The following LIPH variants were observed in gnomAD, a reference collection of about 807,000 sequenced individuals.
LIPH encodes the protein lipase H.
A neutral mutation model predicts 47.6 loss-of-function variants in LIPH; 32 were observed. The observed-to-expected ratio is 0.67, with a 90% CI of 0.51 to 0.90. The LOEUF (loss-of-function observed/expected upper bound fraction) is 0.90. LIPH is among the 40% of genes least tolerant of loss of function. The probability of loss-of-function intolerance (pLI) is 0.00; values close to 1 mark genes in which losing one functional copy is unlikely to be tolerated. For synonymous variants in LIPH, 190 were observed against 195.6 expected (o/e 0.97, Z 0.24); for missense variants, 497 against 541.4 (o/e 0.92, Z 0.81).
chr3:185,508,541 C>T lies in LIPH; in HGVS notation c.*249G>A. 1 of 505,648 alleles carries T rather than the reference C, an allele frequency of 2.0e-6. No homozygotes were observed. Among genetic ancestry groups the T allele is most frequent in the Non-Finnish European group, 3.6e-6 (1 of 278,884 alleles). 31.3% of individuals were successfully genotyped at this position (505,648 alleles called of 1,614,324 possible). A position where few individuals can be genotyped will look rare whatever the true frequency, so the allele number is the denominator to read the frequency against. On this transcript the variant is annotated 3_prime_UTR_variant, in exon 10 of 10. Transcript: ENST00000296252. Reference sequence around the variant, plus strand: ...GAACAAGGGAGGCCCCAGGACACAGCAGACACAGCGCTGCGCTGCTGCGAG... The same window carrying T: ...GAACAAGGGAGGCCCCAGGACACAGTAGACACAGCGCTGCGCTGCTGCGAG...
At chr3:185,545,420 G>A (rs1157317028) in intron 1 of LIPH, among the ~76,000 whole-genome samples, 1 of 152,194 alleles carries the variant, frequency 6.6e-6, no homozygotes, top group East Asian at 1.9e-4. Flanking sequence ...GCAATTTAAT[G>A]CATGGTCGCC....
intron 8 of LIPH, among the ~76,000 whole-genome samples, chr3:185,513,398 C>A (rs2148947149): frequency 6.6e-6 from 1 of 151,042 alleles, no homozygotes; most frequent in Admixed American, 6.6e-5. Flanking sequence ...CACACCCATC[C>A]AGATGGTTAA....
At position 185,530,742 on chromosome 3, in the gene LIPH, C is replaced by T. The variant is rs188024694; in HGVS notation, c.526+2829G>A. Among the ~76,000 whole-genome samples the T allele has an allele frequency of 5.9e-4, 90 of 152,154 alleles. No homozygotes were observed. In the East Asian group the frequency reaches 0.015, roughly 25 times the overall value. On this transcript the variant is annotated intron_variant, in intron 3 of 9. Transcript: ENST00000296252. Reference sequence around the variant, plus strand: ...AGCTCTAGATTCATGATGAATAAAACATCTGAACCAGGGCAATTTTCAGAG... The same window carrying T: ...AGCTCTAGATTCATGATGAATAAAATATCTGAACCAGGGCAATTTTCAGAG...
chr3:185,524,051 T>C lies in LIPH; in HGVS notation c.718+20A>G. 6.4e-7 allele frequency: 1 copy of C among 1,568,886 alleles called. No individual in the cohort carries two copies. The highest frequency in any genetic ancestry group is 2.2e-5 in the East Asian group (1 of 44,636). ...AATATGCCTTTTTATACCACTATTT[T>C]ACAAAATATAAAGGCTTACCTCCCA... On this transcript the variant is annotated intron_variant, in intron 5 of 9. Coordinates refer to ENST00000296252, the MANE Select transcript of LIPH (RefSeq NM_139248.3).
chr3:185,539,517 C>A (rs1039937518), intron 1 of LIPH, among the ~76,000 whole-genome samples: 12 of 151,440 alleles, frequency 7.9e-5, no homozygotes, highest in African/African-American at 2.9e-4. Flanking sequence ...ATTATAGGTG[C>A]CCGCCACCAC....
At chr3:185,526,051 G>A (rs1241409452) in intron 4 of LIPH, among the ~76,000 whole-genome samples, 9 of 151,868 alleles carry the variant, frequency 5.9e-5, no homozygotes, top group South Asian at 2.1e-4. Flanking sequence ...CACATGACAC[G>A]TATCCAATCC....
chr3:185,548,960 C>T (rs540057191), intron 1 of LIPH, among the ~76,000 whole-genome samples: 13 of 151,680 alleles, frequency 8.6e-5, no homozygotes, highest in Admixed American at 2.0e-4. Flanking sequence ...GGCGAAACTC[C>T]GTCTCTCCTA....
intron 4 of LIPH, among the ~76,000 whole-genome samples, chr3:185,526,616 AT>A (rs1486575321): frequency 9.2e-5 from 4 of 43,292 alleles, no homozygotes; most frequent in African/African-American, 1.8e-4. Context: ...AAAAAATAAA[AT>A]AATAAAATAA....
intron 1 of LIPH, among the ~76,000 whole-genome samples, chr3:185,538,850 TATATAC>T (rs1720600409): frequency 1.8e-5 from 2 of 111,614 alleles, no homozygotes; most frequent in East Asian, 5.2e-4. Flanking sequence ...TATACACATA[TATATAC>T]ATATATACAT....
chr3:185,528,113 A>G (rs564850194), intron 3 of LIPH, among the ~76,000 whole-genome samples: 36 of 151,614 alleles, frequency 2.4e-4, no homozygotes, highest in Admixed American at 2.4e-3. Flanking sequence ...AGTCCTAGCT[A>G]CTCGGGAGGC....
At chr3:185,538,916 TAC>T (rs1471675346) in intron 1 of LIPH, among the ~76,000 whole-genome samples, 3 of 146,034 alleles carry the variant, frequency 2.1e-5, no homozygotes, top group Admixed American at 7.0e-5. Context: ...TACACATATA[TAC>T]ACATATACAC....
chr3:185,514,535 A>C lies in LIPH; in HGVS notation c.983-14T>G, dbSNP rs1189489338. ...AGTAATGATACACTGCAAAACAGAG[A>C]GAGAACACGGTAAGAGAGAGATACT... On this transcript the variant is annotated splice_polypyrimidine_tract_variant and intron_variant, in intron 7 of 9. Transcript: ENST00000296252. 3 of 955,742 alleles carry C rather than the reference A, an allele frequency of 3.1e-6. No homozygotes were observed. Among genetic ancestry groups the C allele is most frequent in the Non-Finnish European group, 5.2e-6 (3 of 578,538 alleles). 59.2% of individuals were successfully genotyped at this position (955,742 alleles called of 1,614,324 possible). A position where few individuals can be genotyped will look rare whatever the true frequency, so the allele number is the denominator to read the frequency against.
chr3:185,518,131 G>T (rs368297107), intron 6 of LIPH, among the ~76,000 whole-genome samples: 7 of 152,298 alleles, frequency 4.6e-5, no homozygotes, highest in African/African-American at 1.4e-4. Context: ...ACAGGAGCAG[G>T]CTACGTAGAG....
chr3:185,529,979 A>G (rs1427244914), intron 3 of LIPH, among the ~76,000 whole-genome samples: 22 of 64,218 alleles, frequency 3.4e-4, no homozygotes, highest in African/African-American at 1.0e-3. Flanking sequence ...AGAAAGAAAG[A>G]GAGAGAGAGA....
intron 5 of LIPH, among the ~76,000 whole-genome samples, chr3:185,522,312 T>C (rs1719916893): frequency 1.3e-5 from 2 of 152,192 alleles, no homozygotes; most frequent in Non-Finnish European, 2.9e-5. Context: ...GAAGTGTTGT[T>C]GTCAGCTGTG....
intron 1 of LIPH, among the ~76,000 whole-genome samples, chr3:185,547,674 A>G (rs1720918276): frequency 6.6e-6 from 1 of 152,158 alleles, no homozygotes; most frequent in Non-Finnish European, 1.5e-5. Flanking sequence ...AATACAAAAA[A>G]TTAGCCGGGC....
At chr3:185,529,439 G>T (rs1245531593) in intron 3 of LIPH, among the ~76,000 whole-genome samples, 1 of 142,796 alleles carries the variant, frequency 7.0e-6, no homozygotes, top group African/African-American at 2.5e-5. Flanking sequence ...TTTAATTTGT[G>T]GGGGTAGGGG....
intron 3 of LIPH, among the ~76,000 whole-genome samples, chr3:185,533,148 G>A (rs1720386736): frequency 6.6e-6 from 1 of 152,158 alleles, no homozygotes; most frequent in Non-Finnish European, 1.5e-5. Context: ...TAGAGAATAA[G>A]CCCCAGCCAT....
intron 1 of LIPH, among the ~76,000 whole-genome samples, chr3:185,544,368 T>TGTTTTGTTTTGTTTTG (rs1392090523): frequency 6.6e-6 from 1 of 152,064 alleles, no homozygotes. Context: ...TGTTTTGTTT[T>TGTTTTGTTTTGTTTTG]TTGAGATGGA....
Sources: gnomAD v4.1 joint callset for allele counts (sites outside exome capture counted in the v4.1 genomes callset) on GRCh38, gnomAD v4.1.1 for gene constraint, MANE v1.5 for transcripts, NCBI Gene and HGNC (gene_info 2026-07-23, HGNC 2026-07-21) for gene names.